The following NAALADL2 variants were observed in gnomAD, a reference collection of about 807,000 sequenced individuals.
NAALADL2 encodes the protein N-acetylated alpha-linked acidic dipeptidase like 2.
Under a neutral mutation model 87.2 loss-of-function variants are expected in NAALADL2, and 76 were observed. The ratio of observed to expected loss-of-function variants is 0.87; its 90% CI spans 0.72 to 1.05. The LOEUF is 1.05. Among genes scored for constraint, NAALADL2 ranks in the 50% least tolerant of loss-of-function variants. The pLI is 0.00. For synonymous variants in NAALADL2, 354 were observed against 331.0 expected, an observed-to-expected ratio of 1.07 and a Z score of -0.75; for missense variants, 1,089 against 945.8, an observed-to-expected ratio of 1.15 and a Z score of -1.99.
intron 5 of NAALADL2, among the ~76,000 whole-genome samples, chr3:175,404,986 A>C (rs1054689822): frequency 1.6e-4 from 25 of 152,168 alleles, no homozygotes; most frequent in African/African-American, 5.5e-4. Context: ...GATGACTTGA[A>C]ATAGAAATGG....
intron 3 of NAALADL2, among the ~76,000 whole-genome samples, chr3:174,816,327 C>G (rs1720798525): frequency 6.6e-6 from 1 of 151,000 alleles, no homozygotes; most frequent in Admixed American, 6.6e-5. Flanking sequence ...ATAATGCTCT[C>G]TCAAAGAATT....
chr3:175,082,341 T>G (rs985254939), intron 1 of NAALADL2, among the ~76,000 whole-genome samples: 1 of 152,230 alleles, frequency 6.6e-6, no homozygotes, highest in Non-Finnish European at 1.5e-5. Flanking sequence ...ATTATAAATA[T>G]GTAGTTTATT....
chr3:175,102,162 C>G lies in NAALADL2; in HGVS notation c.545+4871C>G, dbSNP rs191185025. ...TTATATGGATGTCATGTAATTTAAC[C>G]TATTTCTTATACAGGGACCTTTAGG... On this transcript the variant is annotated intron_variant, in intron 2 of 13. Coordinates refer to ENST00000454872, the MANE Select transcript of NAALADL2 (RefSeq NM_207015.3). Among the ~76,000 whole-genome samples the G allele has an allele frequency of 1.6e-4, 25 of 152,158 alleles. 1 individual carries two copies. In the East Asian group the frequency reaches 2.9e-3, roughly 18 times the overall value.
chr3:175,393,316 A>AAAAT (rs1769319845), intron 5 of NAALADL2, among the ~76,000 whole-genome samples: 1 of 136,412 alleles, frequency 7.3e-6, no homozygotes, highest in African/African-American at 2.7e-5. Flanking sequence ...AAAAAAAAAA[A>AAAAT]TTGTAGAGTT....
intron 1 of NAALADL2, among the ~76,000 whole-genome samples, chr3:174,884,791 G>C (rs1560322686): frequency 6.6e-6 from 1 of 152,080 alleles, no homozygotes; most frequent in Non-Finnish European, 1.5e-5. Context: ...AACTCAAGCA[G>C]TTCTTTTCGA....
At chr3:175,533,253 A>G (rs1298660714) in intron 9 of NAALADL2, among the ~76,000 whole-genome samples, 1 of 152,334 alleles carries the variant, frequency 6.6e-6, no homozygotes, top group South Asian at 2.1e-4. Context: ...CTTATATAAG[A>G]TAGAAAACTC....
intron 2 of NAALADL2, among the ~76,000 whole-genome samples, chr3:175,199,850 ATATATATATATATATTTTTTTTTTTTT>A (rs1288180552): frequency 2.8e-4 from 5 of 17,784 alleles, no homozygotes; most frequent in East Asian, 1.8e-3. Context: ...ATATATATAT[ATATATATATATATATTTTTTTTTTTTT>A]TTTTTTTTTT....
intron 1 of NAALADL2, among the ~76,000 whole-genome samples, chr3:174,936,468 G>A (rs1560386055): frequency 6.6e-6 from 1 of 151,938 alleles, no homozygotes; most frequent in African/African-American, 2.4e-5. Flanking sequence ...CAGATAAAAA[G>A]ATTTTGAGAA....
At chr3:174,920,601 C>A (rs1453045350) in intron 1 of NAALADL2, among the ~76,000 whole-genome samples, 1 of 152,196 alleles carries the variant, frequency 6.6e-6, no homozygotes, top group Non-Finnish European at 1.5e-5. Flanking sequence ...CTAAAACTTT[C>A]TCCATGTCAG....
intron 1 of NAALADL2, among the ~76,000 whole-genome samples, chr3:174,884,968 C>T (rs1016328524): frequency 2.0e-5 from 3 of 152,106 alleles, no homozygotes; most frequent in Admixed American, 2.0e-4. Flanking sequence ...ACTGTTGTCT[C>T]AGGCAGCACA....
rs1159026348 is a variant in NAALADL2, at chr3:175,361,395, G to T, written c.1090+37070G>T. On this transcript the variant is annotated intron_variant, in intron 5 of 13. Transcript: ENST00000454872. ...GGGTATATACCCAGTAATGGGATTG[G>T]TGGGTCAAATGGTATTTCTAGTTCT... 2.0e-5 allele frequency among the ~76,000 whole-genome samples: 3 copies of T among 148,028 alleles called. 1 individual carries two copies. Among genetic ancestry groups the T allele is most frequent in the African/African-American group, 7.4e-5 (3 of 40,752 alleles).
At chr3:175,341,475 G>A (rs55842629) in intron 5 of NAALADL2, among the ~76,000 whole-genome samples, 7,947 of 151,976 alleles carry the variant, frequency 0.052, 220 homozygotes, top group Middle Eastern at 0.061. Flanking sequence ...TCACATATAC[G>A]TTTTTGTGTG....
chr3:174,665,379 T>C (rs1348445396), intron 2 of NAALADL2, among the ~76,000 whole-genome samples: 3 of 152,170 alleles, frequency 2.0e-5, no homozygotes, highest in Non-Finnish European at 2.9e-5. Flanking sequence ...AAAGACTGTT[T>C]GGTGCTATCG....
At chr3:175,588,297 TG>T (rs2149593524) in intron 10 of NAALADL2, among the ~76,000 whole-genome samples, 1 of 152,264 alleles carries the variant, frequency 6.6e-6, no homozygotes, top group South Asian at 2.1e-4. Flanking sequence ...TGGTCTAAAC[TG>T]GGTTTTAAAA....
rs139116373 is a variant in NAALADL2, at chr3:175,709,560, T to C, written c.1897-27746T>C. Among the ~76,000 whole-genome samples the C allele has an allele frequency of 3.7e-4, 56 of 152,264 alleles. No individual in the cohort carries two copies. The East Asian group carries it at 0.01, about 27-fold the overall frequency. On this transcript the variant is annotated intron_variant, in intron 11 of 13. Coordinates refer to ENST00000454872, the MANE Select transcript of NAALADL2 (RefSeq NM_207015.3). ...AGCCCCCAGGGGACATGTCCACCAG[T>C]TGCGTAGGCTTATATGAACCTAAAG...
intron 1 of NAALADL2, among the ~76,000 whole-genome samples, chr3:174,889,989 G>C (rs1317797349): frequency 6.6e-6 from 1 of 152,152 alleles, no homozygotes; most frequent in Admixed American, 6.5e-5. Context: ...AAAGAAGTAA[G>C]TAGAGAAGTT....
intron 2 of NAALADL2, among the ~76,000 whole-genome samples, chr3:175,114,088 G>C (rs565524747): frequency 2.4e-4 from 36 of 151,722 alleles, no homozygotes; most frequent in Non-Finnish European, 4.6e-4. Context: ...AGTAGGAGTG[G>C]AGGTATCAGA....
intron 9 of NAALADL2, among the ~76,000 whole-genome samples, chr3:175,563,899 A>C (rs995190731): frequency 5.9e-5 from 9 of 152,110 alleles, no homozygotes; most frequent in African/African-American, 2.2e-4. Context: ...GTGTCCGCAA[A>C]GGTCTAATGG....
intron 1 of NAALADL2, among the ~76,000 whole-genome samples, chr3:174,508,207 G>A (rs929137335): frequency 7.0e-6 from 1 of 142,950 alleles, no homozygotes; most frequent in African/African-American, 2.6e-5. Flanking sequence ...TCCGCCTCCC[G>A]GGTTCATGCC....
Sources: gnomAD v4.1 joint callset for allele counts (sites outside exome capture counted in the v4.1 genomes callset) on GRCh38, gnomAD v4.1.1 for gene constraint, MANE v1.5 for transcripts, NCBI Gene and HGNC (gene_info 2026-07-23, HGNC 2026-07-21) for gene names.